Variants in SERTM2 observed in about 807,000 individuals in gnomAD.
SERTM2 encodes the protein serine-rich and transmembrane domain-containing protein 2.
chrX:111,519,593 A>G lies in SERTM2; in HGVS notation c.*463A>G, dbSNP rs73264398. On this transcript the variant is annotated 3_prime_UTR_variant, in exon 3 of 3. Coordinates refer to ENST00000569275, the MANE Select transcript of SERTM2 (RefSeq NM_001354473.2). ...AGAGAATCACCTCTATACAAAGTTA[A>G]ATTATGTCAGAAGTTAATGGAAGAG... The G allele has an allele frequency of 3.4e-3, 378 of 112,371 alleles. 2 individuals are homozygous for G. Among genetic ancestry groups the G allele is most frequent in the Non-Finnish European group, 6.4e-3 (341 of 53,355 alleles). The allele number at this position is 112,371 out of a possible 1,213,427, so 9.3% of individuals were successfully genotyped here. A position where few individuals can be genotyped will look rare whatever the true frequency, so the allele number is the denominator to read the frequency against.
chrX:111,517,363 A>G (rs1362908224), intron 2 of SERTM2, among the ~76,000 whole-genome samples: 3 of 111,720 alleles, frequency 2.7e-5, no homozygotes, highest in Non-Finnish European at 5.7e-5. Context: ...CAACTAGATC[A>G]GTGGTTCTTA....
chrX:111,519,490 AT>A lies in SERTM2; in HGVS notation c.*363del, dbSNP rs1318368823. 8.2e-6 allele frequency: 1 copy of A among 122,250 alleles called. No individual in the cohort carries two copies. The highest frequency in any genetic ancestry group is 1.7e-5 in the Non-Finnish European group (1 of 60,368). The allele number at this position is 122,250 out of a possible 1,213,427, so 10.1% of individuals were successfully genotyped here. ...GAAGCTCCAAAAACAAACAAAGAAG[AT>A]TTGCTTTTGAAAGGGCTGATCCTTC... On this transcript the variant is annotated 3_prime_UTR_variant, in exon 3 of 3. Coordinates refer to ENST00000569275, the MANE Select transcript of SERTM2 (RefSeq NM_001354473.2).
rs373268977 is a variant in SERTM2 at position 111,518,843 on chromosome X, C to T, written c.-15C>T. ...GAAATCAAATAGAAACACATACTAA[C>T]TCAAGTCTTGAGTGATGATGGAGGC... On this transcript the variant is annotated 5_prime_UTR_variant, in exon 3 of 3. Coordinates refer to ENST00000569275, the MANE Select transcript of SERTM2 (RefSeq NM_001354473.2). 2.4e-4 allele frequency: 71 copies of T among 295,830 alleles called. No individual in the cohort carries two copies. The highest frequency in any genetic ancestry group is 1.7e-3 in the African/African-American group (62 of 36,478). The allele number at this position is 295,830 out of a possible 1,213,427, so 24.4% of individuals were successfully genotyped here. A position where few individuals can be genotyped will look rare whatever the true frequency, so the allele number is the denominator to read the frequency against.
In SERTM2 at chrX:111,518,639, G is replaced by C; in HGVS notation, c.-219G>C. On this transcript the variant is annotated 5_prime_UTR_variant, in exon 3 of 3. Transcript: ENST00000569275. The stretch of plus-strand genomic sequence containing the variant: ...AGAAGCTCTGATAAAACCTATTGGA[G>C]GGGCGATTGCTGTGCTGAAGGATAG... 1 of 291,993 alleles carries C rather than the reference G, an allele frequency of 3.4e-6. No homozygotes were observed. Among genetic ancestry groups the C allele is most frequent in the Non-Finnish European group, 6.0e-6 (1 of 166,918 alleles). The allele number at this position is 291,993 out of a possible 1,213,427, so 24.1% of individuals were successfully genotyped here. A position where few individuals can be genotyped will look rare whatever the true frequency, so the allele number is the denominator to read the frequency against.
chrX:111,512,316 TCA>T (rs1026935679), intron 2 of SERTM2, among the ~76,000 whole-genome samples: 4 of 112,023 alleles, frequency 3.6e-5, no homozygotes, highest in African/African-American at 9.7e-5. Flanking sequence ...CTTCTCTCTC[TCA>T]GTTTTTTCTC....
intron 2 of SERTM2, among the ~76,000 whole-genome samples, chrX:111,514,238 C>A (rs1296318614): frequency 1.8e-5 from 2 of 111,660 alleles, no homozygotes; most frequent in East Asian, 5.6e-4. Context: ...GACTGTGCCT[C>A]TCTTTGAACT....
intron 2 of SERTM2, among the ~76,000 whole-genome samples, chrX:111,515,872 C>T (rs887460738): frequency 9.0e-6 from 1 of 110,674 alleles, no homozygotes; most frequent in African/African-American, 3.3e-5. Flanking sequence ...GATGAAGGCA[C>T]TTCCCTTGAC....
intron 2 of SERTM2, among the ~76,000 whole-genome samples, chrX:111,517,866 A>G (rs943170556): frequency 1.8e-5 from 2 of 111,156 alleles, no homozygotes; most frequent in African/African-American, 3.3e-5. Flanking sequence ...GTTCTAATAT[A>G]GGTTAGTCAT....
chrX:111,518,496 A>C lies in SERTM2; in HGVS notation c.-362A>C, dbSNP rs914776418. On this transcript the variant is annotated 5_prime_UTR_variant, in exon 3 of 3. Coordinates refer to ENST00000569275, the MANE Select transcript of SERTM2 (RefSeq NM_001354473.2). ...GAGCAAAACACTGATATAATACTCT[A>C]AAAGATTCTTGTTCTAATAACAGTA... 6.4e-6 allele frequency: 1 copy of C among 155,091 alleles called. No individual in the cohort carries two copies. The highest frequency in any genetic ancestry group is 3.1e-5 in the African/African-American group (1 of 32,783). 12.8% of individuals were successfully genotyped at this position (155,091 alleles called of 1,213,427 possible).
Position 111,519,848 on chromosome X carries a change from A to G in SERTM2, c.*718A>G, listed in dbSNP as rs779189246. 1 of 112,058 alleles carries G rather than the reference A, an allele frequency of 8.9e-6. No individual in the cohort carries two copies. Among genetic ancestry groups the G allele is most frequent in the Non-Finnish European group, 1.9e-5 (1 of 53,217 alleles). 9.2% of individuals were successfully genotyped at this position (112,058 alleles called of 1,213,427 possible). ...CTCTCTCCCTCTCACACTCTAGGATAGAGTTGCACACAAATATGAGCTTTG... is the reference window on the plus strand; with the variant it reads ...CTCTCTCCCTCTCACACTCTAGGATGGAGTTGCACACAAATATGAGCTTTG... On this transcript the variant is annotated 3_prime_UTR_variant, in exon 3 of 3. Coordinates refer to ENST00000569275, the MANE Select transcript of SERTM2 (RefSeq NM_001354473.2).
intron 2 of SERTM2, among the ~76,000 whole-genome samples, chrX:111,516,634 C>A (rs73549385): frequency 0.2 from 21,198 of 107,550 alleles, 4,535 homozygotes; most frequent in African/African-American, 0.63. Flanking sequence ...TATTATATAT[C>A]TCTCTCTCTC....
chrX:111,511,699 A>G lies in SERTM2; in HGVS notation c.-1016A>G, dbSNP rs1930230266. On this transcript the variant is annotated 5_prime_UTR_variant, in exon 1 of 3. Transcript: ENST00000569275. ...CATACTCTAAACTGTTGCCTGCGAA[A>G]GAGGAACTGGGGACTTAGACTAATT... The G allele has an allele frequency of 6.5e-6, 1 of 153,031 alleles. No individual in the cohort carries two copies. The highest frequency in any genetic ancestry group is 1.3e-5 in the Non-Finnish European group (1 of 79,922). 12.6% of individuals were successfully genotyped at this position (153,031 alleles called of 1,213,427 possible).
At chrX:111,516,286 T>C (rs1407922640) in intron 2 of SERTM2, among the ~76,000 whole-genome samples, 1 of 107,509 alleles carries the variant, frequency 9.3e-6, no homozygotes, top group African/African-American at 3.4e-5. Flanking sequence ...CAAGGTCTTA[T>C]TTCCAAATAA....
chrX:111,521,526 TAAAGA>T lies in SERTM2; in HGVS notation c.*2403_*2407del, dbSNP rs754924688. 7.4e-4 allele frequency: 83 copies of T among 112,055 alleles called. No homozygotes were observed. Among genetic ancestry groups the T allele is most frequent in the African/African-American group, 2.6e-3 (80 of 30,839 alleles). The allele number at this position is 112,055 out of a possible 1,213,427, so 9.2% of individuals were successfully genotyped here. ...TGTTTTTATTGTAGCAAACTTACTG[TAAAGA>T]AAAGAATTTTTACATTATATTTATT... On this transcript the variant is annotated 3_prime_UTR_variant, in exon 3 of 3. Coordinates refer to ENST00000569275, the MANE Select transcript of SERTM2 (RefSeq NM_001354473.2).
intron 2 of SERTM2, among the ~76,000 whole-genome samples, chrX:111,516,614 A>G (rs941303387): frequency 2.7e-5 from 3 of 111,020 alleles, no homozygotes; most frequent in African/African-American, 9.8e-5. Context: ...CTCCAAATAT[A>G]GTGGAAAGAT....
intron 2 of SERTM2, among the ~76,000 whole-genome samples, chrX:111,512,878 C>T (rs1260266758): frequency 9.0e-6 from 1 of 111,582 alleles, no homozygotes; most frequent in Non-Finnish European, 1.9e-5. Context: ...GAGAACTTGA[C>T]ATTTCAATGT....
At chrX:111,515,924 G>A (rs1234541716) in intron 2 of SERTM2, among the ~76,000 whole-genome samples, 14 of 110,661 alleles carry the variant, frequency 1.3e-4, no homozygotes, top group Admixed American at 2.9e-4. Context: ...AAACACTAGG[G>A]TTTCAGGGTG....
rs1930415229 is a variant in SERTM2, at chrX:111,521,721, T to TTA, written c.*2599_*2600dup. 9.4e-6 allele frequency: 1 copy of TTA among 106,874 alleles called. No individual in the cohort carries two copies. Among genetic ancestry groups the TTA allele is most frequent in the South Asian group, 4.4e-4 (1 of 2,298 alleles). The allele number at this position is 106,874 out of a possible 1,213,427, so 8.8% of individuals were successfully genotyped here. A position where few individuals can be genotyped will look rare whatever the true frequency, so the allele number is the denominator to read the frequency against. ...GCCAGTATATAAACAGGTAGGTTAT[T>TTA]TATATATATGTGTACTCTGTTTTAA... On this transcript the variant is annotated 3_prime_UTR_variant, in exon 3 of 3. Coordinates refer to ENST00000569275, the MANE Select transcript of SERTM2 (RefSeq NM_001354473.2).
At chrX:111,514,304 A>T (rs375986141) in intron 2 of SERTM2, among the ~76,000 whole-genome samples, 55 of 111,864 alleles carry the variant, frequency 4.9e-4, no homozygotes, top group African/African-American at 1.7e-3. Flanking sequence ...ATAATTCTTG[A>T]GCAGCTACTG....
Sources: gnomAD v4.1 joint callset for allele counts (sites outside exome capture counted in the v4.1 genomes callset) on GRCh38, gnomAD v4.1.1 for gene constraint, MANE v1.5 for transcripts, NCBI Gene and HGNC (gene_info 2026-07-23, HGNC 2026-07-21) for gene names.